Variants in LANCL3 observed in about 807,000 individuals in gnomAD.
The protein encoded by LANCL3 is lanC-like protein 3.
In LANCL3, 19 loss-of-function variants were observed where a neutral mutation model predicts 26.5. The ratio of observed to expected loss-of-function variants is 0.72; its 90% CI spans 0.50 to 1.05. The LOEUF is 1.05. Among genes scored for constraint, LANCL3 ranks in the 50% least tolerant of loss-of-function variants. LANCL3 has a pLI of 0.00. For synonymous variants in LANCL3, 160 were observed against 166.6 expected (o/e 0.96, Z 0.30); for missense variants, 318 against 362.7 (o/e 0.88, Z 1.00).
rs868942350 is a variant in LANCL3 at position 37,632,620 on chromosome X, C to T, written c.574-23068C>T. On this transcript the variant is annotated intron_variant, in intron 1 of 4. Coordinates refer to ENST00000378619, the MANE Select transcript of LANCL3 (RefSeq NM_001170331.2). ...TTGTTCCTTTCCATGTTTAGTGCTT[C>T]CTTCAGGAGCTCTTTTAGGGCAGGC... is the stretch of plus-strand genomic sequence containing the variant. 1.2e-3 allele frequency among the ~76,000 whole-genome samples: 131 copies of T among 111,518 alleles called. No individual in the cohort carries two copies. In the Middle Eastern group the frequency reaches 0.023, roughly 20 times the overall value.
intron 1 of LANCL3, among the ~76,000 whole-genome samples, chrX:37,611,593 A>G (rs1484588540): frequency 4.5e-5 from 5 of 111,908 alleles, no homozygotes; most frequent in Non-Finnish European, 9.4e-5. Context: ...AGGGAAAGGA[A>G]AGGACTGATA....
chrX:37,580,890 G>A (rs782788153), intron 1 of LANCL3, among the ~76,000 whole-genome samples: 1 of 112,361 alleles, frequency 8.9e-6, no homozygotes, highest in African/African-American at 3.2e-5. Flanking sequence ...TGAGAAACTT[G>A]TTCCAGATCA....
intron 1 of LANCL3, among the ~76,000 whole-genome samples, chrX:37,573,870 A>C (rs1479011459): frequency 1.8e-5 from 2 of 108,886 alleles, no homozygotes; most frequent in East Asian, 5.7e-4. Context: ...AGGTGGAAGC[A>C]GACCAGAAGG....
rs1381957778 is a variant in LANCL3, at chrX:37,572,293, C to T, written c.423C>T (p.Ser141=). 47 of 1,155,682 alleles carry T rather than the reference C, an allele frequency of 4.1e-5. No individual in the cohort carries two copies. The highest frequency in any genetic ancestry group is 1.8e-4 in the Admixed American group (7 of 38,703). The change falls in exon 1 of 5, where the codon TCC becomes TCT. Residue 141 remains serine, a synonymous_variant. Coordinates refer to ENST00000378619, the MANE Select transcript of LANCL3 (RefSeq NM_001170331.2). The part of the protein sequence containing the change: ...ATLVYHALGR[S]DYVQPLGKFR... ...TCGTATACCACGCCCTGGGCCGGTC[C>T]GACTACGTGCAGCCGCTGGGCAAGT...
At chrX:37,623,115 C>A (rs1402454079) in intron 1 of LANCL3, among the ~76,000 whole-genome samples, 1 of 111,931 alleles carries the variant, frequency 8.9e-6, no homozygotes. Flanking sequence ...CCTAAGAATA[C>A]AACTATCCTG....
chrX:37,574,975 G>T (rs1221182554), intron 1 of LANCL3, among the ~76,000 whole-genome samples: 1 of 108,429 alleles, frequency 9.2e-6, no homozygotes, highest in Non-Finnish European at 1.9e-5. Context: ...ACCCAGGCTG[G>T]AGTGCAGTGG....
intron 1 of LANCL3, among the ~76,000 whole-genome samples, chrX:37,626,067 T>C (rs1246738184): frequency 8.9e-6 from 1 of 112,200 alleles, no homozygotes; most frequent in Admixed American, 9.5e-5. Context: ...TGGAAAGCAG[T>C]ACAGTTACAT....
chrX:37,661,011 G>T (rs782493852), intron 3 of LANCL3, among the ~76,000 whole-genome samples: 129 of 105,999 alleles, frequency 1.2e-3, no homozygotes, highest in African/African-American at 4.4e-3. Flanking sequence ...TGTGGGCGGG[G>T]GGGGAACAAG....
rs1926919762 is a variant in LANCL3, at chrX:37,680,812, A to G, written c.*4999A>G. ...TTTGGTTTTTCTTAGTCCCTGTAGG[A>G]AAAAGTTTACCCCTCTGTGTGCGAG... On this transcript the variant is annotated 3_prime_UTR_variant, in exon 5 of 5. Coordinates refer to ENST00000378619, the MANE Select transcript of LANCL3 (RefSeq NM_001170331.2). 1 of 110,653 alleles carries G rather than the reference A, an allele frequency of 9.0e-6. No homozygotes were observed. Among genetic ancestry groups the G allele is most frequent in the Admixed American group, 9.6e-5 (1 of 10,372 alleles). 9.1% of individuals were successfully genotyped at this position (110,653 alleles called of 1,213,427 possible). A position where few individuals can be genotyped will look rare whatever the true frequency, so the allele number is the denominator to read the frequency against.
intron 1 of LANCL3, among the ~76,000 whole-genome samples, chrX:37,580,124 C>G (rs1423344360): frequency 9.0e-6 from 1 of 111,687 alleles, no homozygotes; most frequent in Non-Finnish European, 1.9e-5. Context: ...TAAGTAAAGC[C>G]TGAAGTTTGG....
At chrX:37,642,912 G>C (rs782495425) in intron 1 of LANCL3, among the ~76,000 whole-genome samples, 9 of 112,377 alleles carry the variant, frequency 8.0e-5, no homozygotes, top group African/African-American at 2.9e-4. Flanking sequence ...CTGTATATTT[G>C]ACAATAAGCA....
At chrX:37,643,445 C>A (rs1207095190) in intron 1 of LANCL3, among the ~76,000 whole-genome samples, 1 of 111,752 alleles carries the variant, frequency 8.9e-6, no homozygotes, top group African/African-American at 3.3e-5. Context: ...CATTAAAGAC[C>A]GCCTCAGCCT....
chrX:37,654,097 G>A (rs1286973500), intron 1 of LANCL3, among the ~76,000 whole-genome samples: 1 of 111,838 alleles, frequency 8.9e-6, no homozygotes, highest in Non-Finnish European at 1.9e-5. Context: ...TATGTCTCAT[G>A]GTTTCTCAAA....
chrX:37,671,460 C>T (rs1029779426), intron 4 of LANCL3, among the ~76,000 whole-genome samples: 6 of 111,481 alleles, frequency 5.4e-5, no homozygotes, highest in Non-Finnish European at 1.1e-4. Flanking sequence ...TGTAATCCAA[C>T]GGCTTCCCAT....
chrX:37,666,374 A>G (rs1427476234), intron 3 of LANCL3, among the ~76,000 whole-genome samples: 2 of 112,179 alleles, frequency 1.8e-5, no homozygotes, highest in Admixed American at 1.9e-4. Context: ...AAATATTTAC[A>G]TTACTATCAG....
intron 1 of LANCL3, among the ~76,000 whole-genome samples, chrX:37,633,613 G>A (rs1344354130): frequency 9.0e-6 from 1 of 111,015 alleles, no homozygotes; most frequent in Admixed American, 9.6e-5. Context: ...TTTTGGTGTG[G>A]ATGTCCTTTC....
At chrX:37,594,636 T>C (rs1364602669) in intron 1 of LANCL3, among the ~76,000 whole-genome samples, 3 of 112,287 alleles carry the variant, frequency 2.7e-5, no homozygotes, top group Non-Finnish European at 5.6e-5. Flanking sequence ...GTATCATTAA[T>C]GTTAAACGAA....
chrX:37,681,971 G>C lies in LANCL3; in HGVS notation c.*6158G>C, dbSNP rs1415062585. The C allele has an allele frequency of 8.9e-6, 1 of 112,433 alleles. No individual in the cohort carries two copies. Among genetic ancestry groups the C allele is most frequent in the Non-Finnish European group, 1.9e-5 (1 of 53,467 alleles). 9.3% of individuals were successfully genotyped at this position (112,433 alleles called of 1,213,427 possible). A position where few individuals can be genotyped will look rare whatever the true frequency, so the allele number is the denominator to read the frequency against. ...TTCCTCTTATTCTTTCAGAAACGGT[G>C]AACACTCTAAAAAGATGTGGGGGTG... is the stretch of plus-strand genomic sequence containing the variant. On this transcript the variant is annotated 3_prime_UTR_variant, in exon 5 of 5. Coordinates refer to ENST00000378619, the MANE Select transcript of LANCL3 (RefSeq NM_001170331.2).
chrX:37,587,957 T>C (rs1556418347), intron 1 of LANCL3, among the ~76,000 whole-genome samples: 2 of 112,570 alleles, frequency 1.8e-5, no homozygotes. Context: ...ATTATAATTA[T>C]TTAAAGAGAA....
Sources: gnomAD v4.1 joint callset for allele counts (sites outside exome capture counted in the v4.1 genomes callset) on GRCh38, gnomAD v4.1.1 for gene constraint, MANE v1.5 for transcripts, NCBI Gene and HGNC (gene_info 2026-07-23, HGNC 2026-07-21) for gene names.